The following CNTN1 variants were observed in gnomAD, a reference collection of about 807,000 sequenced individuals.
The protein encoded by CNTN1 is contactin 1.
A neutral mutation model predicts 126.4 loss-of-function variants in CNTN1; 38 were observed. The ratio of observed to expected loss-of-function variants is 0.30; its 90% CI spans 0.23 to 0.39. CNTN1 has a LOEUF of 0.39. Among genes scored for constraint, CNTN1 ranks in the 10% least tolerant of loss-of-function variants. The pLI, the probability that CNTN1 is intolerant of heterozygous loss-of-function variation, is 1.00. For missense variants in CNTN1, 1,009 were observed against 1,248.4 expected (o/e 0.81, Z 2.89); for synonymous variants, 413 against 422.6 (o/e 0.98, Z 0.28).
intron 17 of CNTN1, among the ~76,000 whole-genome samples, chr12:41,006,566 A>G (rs1167145248): frequency 7.2e-5 from 11 of 152,242 alleles, no homozygotes; most frequent in Admixed American, 6.5e-4. Context: ...TGTGCAATTA[A>G]TGTACATACT....
chr12:40,913,299 A>G (rs1320622698), intron 3 of CNTN1, among the ~76,000 whole-genome samples: 1 of 152,180 alleles, frequency 6.6e-6, no homozygotes, highest in Non-Finnish European at 1.5e-5. Context: ...ATCAGCAGGA[A>G]ATGGTTGGCA....
chr12:40,911,866 G>C (rs1458935843), intron 3 of CNTN1, among the ~76,000 whole-genome samples: 1 of 152,114 alleles, frequency 6.6e-6, no homozygotes, highest in Non-Finnish European at 1.5e-5. Flanking sequence ...ATCACTCCCT[G>C]TCAACCTTTA....
At chr12:40,920,562 A>G (rs1945401345) in intron 4 of CNTN1, among the ~76,000 whole-genome samples, 1 of 152,210 alleles carries the variant, frequency 6.6e-6, no homozygotes. Flanking sequence ...AGTTTGATGG[A>G]AAAGAACATT....
intron 1 of CNTN1, among the ~76,000 whole-genome samples, chr12:40,869,658 T>C (rs958111928): frequency 6.6e-6 from 1 of 152,186 alleles, no homozygotes; most frequent in Non-Finnish European, 1.5e-5. Context: ...ATATAGTTTC[T>C]TGATAAACAA....
chr12:40,839,548 A>G (rs1243482670), intron 1 of CNTN1, among the ~76,000 whole-genome samples: 1 of 152,210 alleles, frequency 6.6e-6, no homozygotes, highest in African/African-American at 2.4e-5. Context: ...CTAGTCATCT[A>G]TAAAGGGAAC....
At chr12:40,866,941 T>C (rs1943317792) in intron 1 of CNTN1, among the ~76,000 whole-genome samples, 1 of 152,160 alleles carries the variant, frequency 6.6e-6, no homozygotes, top group South Asian at 2.1e-4. Flanking sequence ...AGGATGTTTT[T>C]AAGGGCCAGG....
At chr12:40,836,299 A>G (rs540780998) in intron 1 of CNTN1, among the ~76,000 whole-genome samples, 97 of 148,908 alleles carry the variant, frequency 6.5e-4, no homozygotes, top group African/African-American at 2.2e-3. Context: ...ATATATGTGT[A>G]TATATATATA....
At position 41,032,800 on chromosome 12, in the gene CNTN1, T is replaced by C. The variant is rs192581265; in HGVS notation, c.2980+3581T>C. ...TATTAATTTGTATTTGTTTATCATGTCTCTCCATCCTTACTTGAAGCTAAG... is the reference window on the plus strand; with the variant it reads ...TATTAATTTGTATTTGTTTATCATGCCTCTCCATCCTTACTTGAAGCTAAG... On this transcript the variant is annotated intron_variant, in intron 23 of 23. Coordinates refer to ENST00000551295, the MANE Select transcript of CNTN1 (RefSeq NM_001843.4). 1.5e-4 allele frequency among the ~76,000 whole-genome samples: 23 copies of C among 152,354 alleles called. No individual in the cohort carries two copies. The South Asian group carries it at 4.6e-3, about 30-fold the overall frequency.
chr12:40,855,128 G>A (rs2136628148), intron 1 of CNTN1, among the ~76,000 whole-genome samples: 1 of 152,256 alleles, frequency 6.6e-6, no homozygotes, highest in African/African-American at 2.4e-5. Context: ...GGGTAGTGCA[G>A]TAACCTTGGA....
At position 40,816,635 on chromosome 12, in the gene CNTN1, C is replaced by G. The variant is rs541005527; in HGVS notation, c.-76-91722C>G. Among the ~76,000 whole-genome samples the G allele has an allele frequency of 8.6e-5, 13 of 151,366 alleles. No homozygotes were observed. In the South Asian group the frequency reaches 2.7e-3, roughly 32 times the overall value. ...TTTTTTTGAAGGGTTTTTCGTGTCT[C>G]TGTTTCCTTCACTTCTTCTCTGATC... is the stretch of plus-strand genomic sequence containing the variant. On this transcript the variant is annotated intron_variant, in intron 1 of 23. Transcript: ENST00000551295.
At chr12:40,979,738 C>G (rs1304133378) in intron 15 of CNTN1, among the ~76,000 whole-genome samples, 1 of 151,848 alleles carries the variant, frequency 6.6e-6, no homozygotes, top group Non-Finnish European at 1.5e-5. Context: ...TTTTATTTGT[C>G]TTATTTGAAG....
chr12:40,972,735 T>A, intron 15 of CNTN1: 3 of 827,344 alleles, frequency 3.6e-6, no homozygotes, highest in Non-Finnish European at 4.4e-6. Flanking sequence ...TTTTGTAAGA[T>A]GTTTAAAATC....
chr12:40,721,097 G>T (rs1463863122), intron 1 of CNTN1, among the ~76,000 whole-genome samples: 1 of 151,968 alleles, frequency 6.6e-6, no homozygotes, highest in Non-Finnish European at 1.5e-5. Context: ...GAAAACAAAT[G>T]CATTAGTTGA....
intron 1 of CNTN1, among the ~76,000 whole-genome samples, chr12:40,718,191 A>T (rs2121200590): frequency 6.6e-6 from 1 of 152,220 alleles, no homozygotes; most frequent in South Asian, 2.1e-4. Context: ...TTGTTTTGAG[A>T]CAGAATCTTG....
At chr12:40,891,631 T>G (rs1592213758) in intron 1 of CNTN1, among the ~76,000 whole-genome samples, 1 of 152,260 alleles carries the variant, frequency 6.6e-6, no homozygotes, top group South Asian at 2.1e-4. Flanking sequence ...TAACACAATT[T>G]GTTGAAATGA....
chr12:41,017,658 T>C (rs1274552701), intron 19 of CNTN1, among the ~76,000 whole-genome samples: 1 of 152,126 alleles, frequency 6.6e-6, no homozygotes, highest in Non-Finnish European at 1.5e-5. Context: ...CTAGAAACTT[T>C]AACTTAACTA....
At chr12:40,972,366 C>G in intron 15 of CNTN1, 1 of 984,212 alleles carries the variant, frequency 1.0e-6, no homozygotes, top group Non-Finnish European at 1.2e-6. Context: ...TTCACTTTCC[C>G]CCTTTGGTCA....
intron 23 of CNTN1, among the ~76,000 whole-genome samples, chr12:41,042,049 A>C (rs1949427424): frequency 2.0e-5 from 3 of 151,992 alleles, no homozygotes; most frequent in Admixed American, 2.0e-4. Context: ...TCTTATGGGC[A>C]TTTAGTATTA....
intron 1 of CNTN1, among the ~76,000 whole-genome samples, chr12:40,790,755 CTT>C (rs946677057): frequency 2.6e-5 from 4 of 152,096 alleles, no homozygotes; most frequent in African/African-American, 9.7e-5. Context: ...CGATGTGAAT[CTT>C]TTTTTGTCCA....
Sources: gnomAD v4.1 joint callset for allele counts (sites outside exome capture counted in the v4.1 genomes callset) on GRCh38, gnomAD v4.1.1 for gene constraint, MANE v1.5 for transcripts, NCBI Gene and HGNC (gene_info 2026-07-23, HGNC 2026-07-21) for gene names.